The following PTPRG variants were observed in gnomAD, a reference collection of about 807,000 sequenced individuals.
PTPRG encodes protein tyrosine phosphatase receptor type G.
In PTPRG, 102 loss-of-function variants were observed where a neutral mutation model predicts 165.3. That is an observed-to-expected ratio of 0.62 (90% CI 0.53 to 0.73). PTPRG has a LOEUF of 0.73. Ranked by LOEUF, PTPRG falls within the 30% of genes least tolerant of loss-of-function variation. PTPRG has a pLI of 0.00. For synonymous variants in PTPRG, 675 were observed against 669.5 expected (o/e 1.01, Z -0.13); for missense variants, 1,866 against 1,861.4 (o/e 1.00, Z -0.05).
At chr3:61,723,878 C>G (rs756757287) in intron 1 of PTPRG, among the ~76,000 whole-genome samples, 28 of 152,194 alleles carry the variant, frequency 1.8e-4, no homozygotes, top group Non-Finnish European at 3.7e-4. Flanking sequence ...ATCCTTTCCT[C>G]TACTATCTCC....
At chr3:62,230,177 G>A (rs1243310993) in intron 13 of PTPRG, among the ~76,000 whole-genome samples, 1 of 152,166 alleles carries the variant, frequency 6.6e-6, no homozygotes, top group Non-Finnish European at 1.5e-5. Flanking sequence ...TTTGGTTCCT[G>A]TGCCAAGCAC....
chr3:61,879,840 T>A (rs2037836902), intron 2 of PTPRG, among the ~76,000 whole-genome samples: 1 of 152,238 alleles, frequency 6.6e-6, no homozygotes, highest in Non-Finnish European at 1.5e-5. Context: ...TGTATGTATA[T>A]TTTTATCCTA....
chr3:62,057,595 C>T (rs558815146), intron 4 of PTPRG, among the ~76,000 whole-genome samples: 2 of 152,340 alleles, frequency 1.3e-5, no homozygotes, highest in Admixed American at 1.3e-4. Context: ...CTGAGCTTTA[C>T]TGCAAAGAAT....
chr3:62,106,800 A>G (rs1702489235), intron 5 of PTPRG, among the ~76,000 whole-genome samples: 1 of 152,230 alleles, frequency 6.6e-6, no homozygotes. Flanking sequence ...GATGGAAGTC[A>G]TATACCTAAG....
rs763488867 is a variant in PTPRG, at chr3:62,050,579, G to A, written c.520-27584G>A. Among the ~76,000 whole-genome samples, 4 of 152,188 alleles carry A rather than the reference G, an allele frequency of 2.6e-5. No individual in the cohort carries two copies. The South Asian group carries it at 8.3e-4, about 31-fold the overall frequency. On this transcript the variant is annotated intron_variant, in intron 4 of 29. Transcript: ENST00000474889. The stretch of plus-strand genomic sequence containing the variant: ...CCGAGTGGCCATGTTTTTTAAATAA[G>A]GAAGTTGAGAAACAGGGATATCAAG...
At chr3:61,613,778 T>C (rs1390130254) in intron 1 of PTPRG, among the ~76,000 whole-genome samples, 1 of 152,172 alleles carries the variant, frequency 6.6e-6, no homozygotes, top group Non-Finnish European at 1.5e-5. Flanking sequence ...TTTATTACAG[T>C]TGTGCTTTTG....
At chr3:61,959,635 G>T (rs2040106509) in intron 2 of PTPRG, among the ~76,000 whole-genome samples, 1 of 152,196 alleles carries the variant, frequency 6.6e-6, no homozygotes, top group African/African-American at 2.4e-5. Flanking sequence ...ATTGGTATCT[G>T]CATGCAACTG....
Position 62,017,540 on chromosome 3 carries a change from C to T in PTPRG, c.519+14043C>T, listed in dbSNP as rs909832621. 1.1e-4 allele frequency among the ~76,000 whole-genome samples: 16 copies of T among 150,754 alleles called. 1 individual carries two copies. The highest frequency in any genetic ancestry group is 2.4e-5 in the African/African-American group (1 of 41,158). ...ACGCCATTCTCCTGCCTCAGCCTCC[C>T]GAGTAGCTGGGACTACAGGCGCCCA... On this transcript the variant is annotated intron_variant, in intron 4 of 29. Transcript: ENST00000474889.
At chr3:61,875,745 T>G (rs2107456699) in intron 2 of PTPRG, among the ~76,000 whole-genome samples, 1 of 152,320 alleles carries the variant, frequency 6.6e-6, no homozygotes, top group South Asian at 2.1e-4. Context: ...CCATCATTTC[T>G]CGCAGAGATG....
At chr3:62,110,188 A>G (rs1055375227) in intron 5 of PTPRG, among the ~76,000 whole-genome samples, 1 of 144,342 alleles carries the variant, frequency 6.9e-6, no homozygotes, top group Non-Finnish European at 1.5e-5. Flanking sequence ...CTTGTCAGCA[A>G]TTCTTTATAT....
chr3:62,209,098 T>C (rs1449363369), intron 12 of PTPRG, among the ~76,000 whole-genome samples: 4 of 152,236 alleles, frequency 2.6e-5, no homozygotes, highest in Non-Finnish European at 5.9e-5. Flanking sequence ...ATTAAGTGAA[T>C]ATTTTAATGT....
intron 1 of PTPRG, among the ~76,000 whole-genome samples, chr3:61,714,975 G>T (rs755220274): frequency 6.6e-6 from 1 of 152,088 alleles, no homozygotes; most frequent in African/African-American, 2.4e-5. Flanking sequence ...AATCAAATTT[G>T]AGTAACTCAG....
At chr3:62,032,912 CACAGGCTT>C (rs1418246322) in intron 4 of PTPRG, among the ~76,000 whole-genome samples, 1 of 152,142 alleles carries the variant, frequency 6.6e-6, no homozygotes, top group Non-Finnish European at 1.5e-5. Flanking sequence ...GCAGAATTTG[CACAGGCTT>C]ATCTATAAAT....
chr3:62,089,283 C>A (rs936347166), intron 5 of PTPRG, among the ~76,000 whole-genome samples: 1 of 152,184 alleles, frequency 6.6e-6, no homozygotes, highest in African/African-American at 2.4e-5. Flanking sequence ...ATACATCCAA[C>A]CATTTTTACA....
At chr3:61,886,689 C>A (rs1011603276) in intron 2 of PTPRG, among the ~76,000 whole-genome samples, 1 of 152,152 alleles carries the variant, frequency 6.6e-6, no homozygotes, top group African/African-American at 2.4e-5. Flanking sequence ...GGGTATGTAC[C>A]TCCTAGCTAC....
chr3:62,031,532 A>G (rs1699769550), intron 4 of PTPRG, among the ~76,000 whole-genome samples: 1 of 152,166 alleles, frequency 6.6e-6, no homozygotes, highest in African/African-American at 2.4e-5. Context: ...GGAGATGAGA[A>G]TCCTTCGAAG....
At chr3:62,088,405 C>T (rs72889559) in intron 5 of PTPRG, among the ~76,000 whole-genome samples, 6 of 152,230 alleles carry the variant, frequency 3.9e-5, no homozygotes, top group African/African-American at 1.2e-4. Context: ...TTCTGCAGGC[C>T]GAAGGCCATA....
At chr3:61,764,554 A>AGTT (rs1247290556) in intron 2 of PTPRG, among the ~76,000 whole-genome samples, 2 of 152,144 alleles carry the variant, frequency 1.3e-5, no homozygotes, top group Non-Finnish European at 2.9e-5. Flanking sequence ...TAGGGGAGAG[A>AGTT]GTTGTTATTT....
At chr3:61,801,896 G>T (rs2035257183) in intron 2 of PTPRG, among the ~76,000 whole-genome samples, 2 of 151,998 alleles carry the variant, frequency 1.3e-5, no homozygotes. Context: ...GTGGTGGCGT[G>T]CGCCTGTAGT....
Sources: gnomAD v4.1 joint callset for allele counts (sites outside exome capture counted in the v4.1 genomes callset) on GRCh38, gnomAD v4.1.1 for gene constraint, MANE v1.5 for transcripts, NCBI Gene and HGNC (gene_info 2026-07-23, HGNC 2026-07-21) for gene names.